SLIT1: variants seen among roughly 807,000 people sequenced by gnomAD.
SLIT1 encodes the protein slit homolog 1 protein.
A neutral mutation model predicts 186.1 loss-of-function variants in SLIT1; 66 were observed. The ratio of observed to expected loss-of-function variants is 0.35; its 90% CI spans 0.29 to 0.44. SLIT1 has a LOEUF of 0.44. Among genes scored for constraint, SLIT1 ranks in the 20% least tolerant of loss-of-function variants. The pLI, the probability that SLIT1 is intolerant of heterozygous loss-of-function variation, is 1.00. For synonymous variants in SLIT1, 761 were observed against 833.8 expected (o/e 0.91, Z 1.50); for missense variants, 1,638 against 2,037.4 (o/e 0.80, Z 3.77).
At chr10:97,100,631 T>TA (rs1849341601) in intron 4 of SLIT1, among the ~76,000 whole-genome samples, 1 of 77,556 alleles carries the variant, frequency 1.3e-5, no homozygotes, top group African/African-American at 3.5e-5. Flanking sequence ...AGACTCTGTC[T>TA]CAAAAAAAAA....
At chr10:97,019,212 C>T (rs140524557) in intron 26 of SLIT1, 105 bp from the exon 27 acceptor site, 2 of 730,524 alleles carry the variant, frequency 2.7e-6, no homozygotes, top group Non-Finnish European at 4.8e-6. Context: ...AGCCGTTTCC[C>T]CTCCTGATTT....
rs535771536 is a variant in SLIT1, at chr10:97,066,067, T to C, written c.433A>G (p.Ile145Val). 6.4e-5 allele frequency: 103 copies of C among 1,605,350 alleles called. No individual in the cohort carries two copies. The East Asian group carries it at 2.2e-3, about 34-fold the overall frequency. The change falls in exon 5 of 37, where the codon ATC (isoleucine) becomes GTC (valine). Residue 145 changes from isoleucine (I) to valine (V), a missense_variant. Ile to Val is a conservative substitution (Grantham distance 29, BLOSUM62 3). Around this residue, in one of 3 missense-constraint regions of SLIT1, gnomAD observed 1,245 missense variants for 1,535.3 expected, o/e 0.81. Coordinates refer to ENST00000266058, the MANE Select transcript of SLIT1 (RefSeq NM_003061.3). Reference protein sequence around the residue: ...LSRLDLSENAIQAIPRKAFRG... With the variant: ...LSRLDLSENAVQAIPRKAFRG... ...AAAGCTTTCCTGGGGATGGCCTGGA[T>C]GGCGTTCTCACTCAAGTCCCTGGGA...
chr10:97,094,244 G>A (rs1366802970), intron 4 of SLIT1, among the ~76,000 whole-genome samples: 1 of 152,246 alleles, frequency 6.6e-6, no homozygotes, highest in East Asian at 1.9e-4. Context: ...GCCACTGCCA[G>A]GCCATAGGGG....
chr10:97,042,599 A>G (rs1848699202), intron 20 of SLIT1, among the ~76,000 whole-genome samples: 1 of 152,192 alleles, frequency 6.6e-6, no homozygotes, highest in African/African-American at 2.4e-5. Context: ...GAAAGAAACT[A>G]CACTAAAATG....
chr10:97,175,264 T>C (rs1442596596), intron 1 of SLIT1, among the ~76,000 whole-genome samples: 1 of 152,256 alleles, frequency 6.6e-6, no homozygotes, highest in Non-Finnish European at 1.5e-5. Context: ...TCTATATATA[T>C]AGATCACATT....
At chr10:97,067,062 A>T (rs1848954580) in intron 4 of SLIT1, among the ~76,000 whole-genome samples, 2 of 152,140 alleles carry the variant, frequency 1.3e-5, no homozygotes, top group African/African-American at 4.8e-5. Flanking sequence ...GCCCACCCAG[A>T]TCTTTAGCTC....
chr10:97,123,284 A>G (rs1849575887), intron 4 of SLIT1, among the ~76,000 whole-genome samples: 1 of 152,366 alleles, frequency 6.6e-6, no homozygotes, highest in South Asian at 2.1e-4. Context: ...ACCTTTTATC[A>G]GCACGCCACA....
intron 5 of SLIT1, 56 bp from the exon 6 acceptor site, chr10:97,064,932 T>C (rs1848929907): frequency 2.9e-6 from 4 of 1,400,656 alleles, no homozygotes; most frequent in Non-Finnish European, 4.0e-6. Flanking sequence ...AGTAAGGGTG[T>C]CCAAACATTC....
intron 1 of SLIT1, among the ~76,000 whole-genome samples, chr10:97,169,185 A>G (rs2784917): frequency 0.73 from 111,108 of 152,152 alleles, 41,459 homozygotes; most frequent in Non-Finnish European, 0.82. Flanking sequence ...CTGGACCAGA[A>G]TGTCAAAAGA....
chr10:97,164,982 C>T (rs1468199417), intron 1 of SLIT1, 92 bp from the exon 2 acceptor site: 2 of 939,162 alleles, frequency 2.1e-6, no homozygotes, highest in African/African-American at 3.2e-5. Context: ...CCGCCTGGAT[C>T]AGCCAGTCGT....
At chr10:97,045,166 A>G (rs550541375) in intron 18 of SLIT1, among the ~76,000 whole-genome samples, 1 of 152,262 alleles carries the variant, frequency 6.6e-6, no homozygotes, top group African/African-American at 2.4e-5. Context: ...TTGTTATAGC[A>G]GCCTGAACCC....
intron 4 of SLIT1, among the ~76,000 whole-genome samples, chr10:97,117,859 G>A (rs1849522950): frequency 6.6e-6 from 1 of 152,190 alleles, no homozygotes; most frequent in Non-Finnish European, 1.5e-5. Flanking sequence ...ATATTTGAAT[G>A]TTCTGTAAAT....
chr10:97,099,284 AG>A (rs1176199919), intron 4 of SLIT1, among the ~76,000 whole-genome samples: 1 of 152,158 alleles, frequency 6.6e-6, no homozygotes, highest in Non-Finnish European at 1.5e-5. Context: ...CTGAGATCTC[AG>A]GAAGAGTCCC....
At chr10:97,093,512 G>A (rs1004691640) in intron 4 of SLIT1, among the ~76,000 whole-genome samples, 8 of 152,162 alleles carry the variant, frequency 5.3e-5, no homozygotes, top group African/African-American at 1.9e-4. Flanking sequence ...CCTGCCTAAA[G>A]CCCATATGAG....
At position 97,152,378 on chromosome 10, in the gene SLIT1, G is replaced by A. The variant is rs550790059; in HGVS notation, c.413+5440C>T. On this transcript the variant is annotated intron_variant, in intron 4 of 36. Coordinates refer to ENST00000266058, the MANE Select transcript of SLIT1 (RefSeq NM_003061.3). ...GGGGAAGCCAACATCAATATGGGAC[G>A]CAGGTCCAGGTGCAGGTCACGCTGG... Among the ~76,000 whole-genome samples the A allele has an allele frequency of 1.5e-3, 232 of 152,314 alleles. 5 individuals are homozygous for A. Among genetic ancestry groups the A allele is most frequent in the Middle Eastern group, 3.4e-3 (1 of 294 alleles).
chr10:97,012,897 T>A (rs1437779849), intron 30 of SLIT1, among the ~76,000 whole-genome samples: 1 of 152,220 alleles, frequency 6.6e-6, no homozygotes, highest in Non-Finnish European at 1.5e-5. Flanking sequence ...ACTGGTGGAA[T>A]GGGGAGGTCC....
intron 4 of SLIT1, among the ~76,000 whole-genome samples, chr10:97,120,511 T>C (rs868820368): frequency 7.2e-5 from 11 of 152,228 alleles, no homozygotes; most frequent in South Asian, 2.1e-4. Flanking sequence ...GTCGGGGTAC[T>C]GGAGCCGAAA....
At chr10:97,008,317 C>T (rs928975796) in intron 31 of SLIT1, among the ~76,000 whole-genome samples, 5 of 152,036 alleles carry the variant, frequency 3.3e-5, no homozygotes, top group African/African-American at 9.7e-5. Flanking sequence ...TTGAAAACTA[C>T]AAAATGTTGA....
intron 25 of SLIT1, among the ~76,000 whole-genome samples, chr10:97,030,120 CT>C (rs1207018328): frequency 6.6e-6 from 1 of 152,212 alleles, no homozygotes; most frequent in African/African-American, 2.4e-5. Context: ...TTCCATTCTT[CT>C]GGATATACCT....
Sources: gnomAD v4.1 joint callset for allele counts (sites outside exome capture counted in the v4.1 genomes callset) on GRCh38, gnomAD v4.1.1 for gene constraint, gnomAD v4.1.1 regional missense constraint, MANE v1.5 for transcripts, NCBI Gene and HGNC (gene_info 2026-07-23, HGNC 2026-07-21) for gene names.